The following DRC9 variants were observed in gnomAD, a reference collection of about 807,000 sequenced individuals.
DRC9 encodes the protein dynein regulatory complex protein 9.
chr3:197,946,237 C>T, the DRC9 span, among the ~76,000 whole-genome samples: 9 of 151,546 alleles, frequency 5.9e-5, no homozygotes, highest in East Asian at 1.9e-4. Flanking sequence ...AGATCGAGAC[C>T]ATCCTGGCTA....
At chr3:197,924,754 G>A in the DRC9 span, among the ~76,000 whole-genome samples, 4 of 152,050 alleles carry the variant, frequency 2.6e-5, no homozygotes, top group South Asian at 2.1e-4. Context: ...TCTTAACCTC[G>A]TGATCCGCCC....
chr3:197,942,786 G>A, the DRC9 span, among the ~76,000 whole-genome samples: 21 of 151,428 alleles, frequency 1.4e-4, no homozygotes, highest in Non-Finnish European at 2.4e-4. Context: ...GCGTGGTGGC[G>A]TAATCCCAGC....
the DRC9 span, among the ~76,000 whole-genome samples, chr3:197,916,806 A>C: frequency 6.6e-6 from 1 of 152,262 alleles, no homozygotes; most frequent in Non-Finnish European, 1.5e-5. Context: ...AGCGGTGTCC[A>C]ATCTTTTGGC....
At chr3:197,915,991 A>T in the DRC9 span, among the ~76,000 whole-genome samples, 21 of 150,900 alleles carry the variant, frequency 1.4e-4, no homozygotes, top group East Asian at 2.0e-4. Context: ...TATTAAAAAA[A>T]TTTTTTTGTT....
chr3:197,942,125 AC>A, the DRC9 span, among the ~76,000 whole-genome samples: 1 of 152,210 alleles, frequency 6.6e-6, no homozygotes, highest in Non-Finnish European at 1.5e-5. Context: ...ATTACAACTT[AC>A]AAATGAGAAA....
chr3:197,909,144 A>G, the DRC9 span, among the ~76,000 whole-genome samples: 105 of 152,326 alleles, frequency 6.9e-4, 1 homozygote, highest in East Asian at 0.018. Flanking sequence ...TCTAACTTGC[A>G]TATCAGTAAC....
At chr3:197,944,763 T>C in the DRC9 span, among the ~76,000 whole-genome samples, 613 of 151,104 alleles carry the variant, frequency 4.1e-3, 5 homozygotes, top group African/African-American at 0.014. Flanking sequence ...GTGTTTTTAG[T>C]AGAGATTGGG....
At chr3:197,931,698 C>T in the DRC9 span, among the ~76,000 whole-genome samples, 249 of 151,966 alleles carry the variant, frequency 1.6e-3, no homozygotes, top group Non-Finnish European at 9.3e-4. Context: ...AGCTCTGCCT[C>T]ACTACAAGCT....
chr3:197,904,055 T>C, the DRC9 span, among the ~76,000 whole-genome samples: 3 of 78,762 alleles, frequency 3.8e-5, no homozygotes, highest in African/African-American at 5.7e-5. Flanking sequence ...TATACATACA[T>C]ATATATATAT....
chr3:197,913,702 T>C, the DRC9 span: 2 of 709,406 alleles, frequency 2.8e-6, no homozygotes, highest in African/African-American at 1.7e-5. Flanking sequence ...CACTGGAATC[T>C]CTGCTTGCGA....
At chr3:197,917,250 G>A in the DRC9 span, among the ~76,000 whole-genome samples, 6 of 152,324 alleles carry the variant, frequency 3.9e-5, no homozygotes, top group East Asian at 1.9e-4. Context: ...CCCGGAGGCC[G>A]AGGCTGCAGT....
chr3:197,907,278 C>T, the DRC9 span, among the ~76,000 whole-genome samples: 3 of 152,160 alleles, frequency 2.0e-5, no homozygotes, highest in East Asian at 1.9e-4. Flanking sequence ...TGGTGGTAGA[C>T]GTGTAAGTCA....
the DRC9 span, among the ~76,000 whole-genome samples, chr3:197,935,450 A>AG: frequency 1.1e-5 from 1 of 88,154 alleles, no homozygotes; most frequent in African/African-American, 8.0e-5. Flanking sequence ...AAAAAAAAAA[A>AG]AAGAAAAGAA....
At chr3:197,950,841 C>T in the DRC9 span, 1 of 1,134,496 alleles carries the variant, frequency 8.8e-7, no homozygotes, top group Non-Finnish European at 1.3e-6. Flanking sequence ...AAACTCCCAT[C>T]CAAAAGGAAT....
chr3:197,902,864 A>G, the DRC9 span, among the ~76,000 whole-genome samples: 172 of 152,324 alleles, frequency 1.1e-3, 1 homozygote, highest in African/African-American at 4.0e-3. Flanking sequence ...CAAAAGACCC[A>G]GAATAGCCAA....
At chr3:197,906,448 T>TC in the DRC9 span, 292 of 152,146 alleles carry the variant, frequency 1.9e-3, 2 homozygotes, top group African/African-American at 6.7e-3. Context: ...TTTTTTTTTT[T>TC]TCCCTAATTG....
chr3:197,889,419 G>T, the DRC9 span: 2 of 791,870 alleles, frequency 2.5e-6, no homozygotes, highest in Non-Finnish European at 4.1e-6. Flanking sequence ...CTAACAGGCA[G>T]AGTGAAATTA....
the DRC9 span, among the ~76,000 whole-genome samples, chr3:197,892,122 T>C: frequency 6.6e-6 from 1 of 152,232 alleles, no homozygotes; most frequent in African/African-American, 2.4e-5. Flanking sequence ...ACTCCTGATC[T>C]CTACTGATCT....
the DRC9 span, among the ~76,000 whole-genome samples, chr3:197,897,759 C>CA: frequency 6.7e-6 from 1 of 149,520 alleles, no homozygotes; most frequent in African/African-American, 2.5e-5. Flanking sequence ...CAAATTCCAA[C>CA]AAGCATAAAC....
Sources: allele counts gnomAD v4.1 joint callset (sites outside exome capture counted in the v4.1 genomes callset), GRCh38; gene constraint gnomAD v4.1.1; transcripts MANE v1.5; gene names NCBI Gene and HGNC (gene_info 2026-07-23, HGNC 2026-07-21).